The following CA8 variants were observed in gnomAD, a reference collection of about 807,000 sequenced individuals.
CA8 encodes the protein carbonic anhydrase-related protein.
CA8 carries 22 observed loss-of-function variants against 41.4 expected under a neutral mutation model. The observed-to-expected ratio is 0.53, with a 90% confidence interval of 0.38 to 0.76. The LOEUF (loss-of-function observed/expected upper bound fraction) is 0.76. Ranked by LOEUF, CA8 falls within the 30% of genes least tolerant of loss-of-function variation. CA8 has a pLI of 0.00. For missense variants in CA8, 270 were observed against 352.8 expected (o/e 0.77, Z 1.88); for synonymous variants, 121 against 130.6 (o/e 0.93, Z 0.50).
intron 3 of CA8, among the ~76,000 whole-genome samples, chr8:60,241,853 A>G (rs1808039705): frequency 1.3e-5 from 2 of 152,188 alleles, no homozygotes; most frequent in African/African-American, 4.8e-5. Flanking sequence ...GAGATTGTCA[A>G]CGGGTCTTGT....
At chr8:60,259,656 T>C (rs906260189) in intron 3 of CA8, among the ~76,000 whole-genome samples, 1 of 152,160 alleles carries the variant, frequency 6.6e-6, no homozygotes, top group African/African-American at 2.4e-5. Flanking sequence ...AAAATAAATA[T>C]GCTGAATCAA....
At chr8:60,247,602 T>G (rs771677840) in intron 3 of CA8, among the ~76,000 whole-genome samples, 3 of 152,228 alleles carry the variant, frequency 2.0e-5, no homozygotes, top group Non-Finnish European at 2.9e-5. Flanking sequence ...TTTTTATGAT[T>G]GCATAGTGTT....
At chr8:60,260,111 T>C (rs1184972873) in intron 3 of CA8, among the ~76,000 whole-genome samples, 1 of 152,200 alleles carries the variant, frequency 6.6e-6, no homozygotes, top group Non-Finnish European at 1.5e-5. Context: ...TTGATTTTCC[T>C]GATAATAATT....
chr8:60,279,932 AAAATTT>A (rs1273575095), intron 1 of CA8, 52 bp from the exon 2 acceptor site: 9 of 1,467,270 alleles, frequency 6.1e-6, no homozygotes, highest in Non-Finnish European at 8.4e-6. Flanking sequence ...AAATTACAGT[AAAATTT>A]AACATGTAAA....
At chr8:60,216,420 T>G (rs546826372) in intron 7 of CA8, among the ~76,000 whole-genome samples, 1 of 152,248 alleles carries the variant, frequency 6.6e-6, no homozygotes, top group East Asian at 1.9e-4. Flanking sequence ...TCTGTGCTAA[T>G]AGCACCTAAA....
Position 60,222,730 on chromosome 8 carries a change from T to C in CA8, c.657A>G (p.Glu219=). The C allele has an allele frequency of 6.2e-7, 1 of 1,613,686 alleles. No individual in the cohort carries two copies. Among genetic ancestry groups the C allele is most frequent in the Non-Finnish European group, 8.5e-7 (1 of 1,179,594 alleles). The change falls in exon 7 of 9, where the codon GAA becomes GAG. Residue 219 remains glutamate, a synonymous_variant. Coordinates refer to ENST00000317995, the MANE Select transcript of CA8 (RefSeq NM_004056.6). The part of the protein sequence containing the change: ...DPLLRDYWVY[E]GSLTIPPCSE... ...TGCAAGGTGGGATGGTGAGAGAGCC[T>C]TCATACACCCAGTAATCCCGCAGCA...
chr8:60,191,187 T>A (rs969547749), intron 8 of CA8, among the ~76,000 whole-genome samples: 1 of 151,964 alleles, frequency 6.6e-6, no homozygotes, highest in African/African-American at 2.4e-5. Flanking sequence ...CAGAAAATAT[T>A]GTAGATATTT....
chr8:60,277,790 A>G (rs1804289085), intron 2 of CA8, among the ~76,000 whole-genome samples: 2 of 152,228 alleles, frequency 1.3e-5, no homozygotes, highest in Non-Finnish European at 2.9e-5. Context: ...ACAACTACTC[A>G]AGACATGGTT....
intron 3 of CA8, among the ~76,000 whole-genome samples, chr8:60,237,619 T>C (rs540111932): frequency 3.9e-4 from 60 of 152,340 alleles, no homozygotes; most frequent in Non-Finnish European, 7.5e-4. Context: ...GTAAACACAC[T>C]GCACAGCAGG....
At position 60,185,799 on chromosome 8, in the gene CA8, AAAGG is replaced by A. The variant is rs1805947975; in HGVS notation, c.*4218_*4221del. ...TGCCTTATATAAAAATATATTAAAAAAAGGACTTCTGCCTGGAATGAAGTGACCC... is the reference window on the plus strand; with the variant it reads ...TGCCTTATATAAAAATATATTAAAAAACTTCTGCCTGGAATGAAGTGACCC... On this transcript the variant is annotated 3_prime_UTR_variant, in exon 9 of 9. Transcript: ENST00000317995. Among the ~76,000 whole-genome samples the A allele has an allele frequency of 6.6e-6, 1 of 152,134 alleles. No homozygotes were observed. The highest frequency in any genetic ancestry group is 6.5e-5 in the Admixed American group (1 of 15,276).
At chr8:60,232,712 T>A in intron 3 of CA8, 1 of 367,450 alleles carries the variant, frequency 2.7e-6, no homozygotes, top group South Asian at 2.4e-5. Context: ...GAAACAAAAC[T>A]CCAGGTCTGG....
rs535516242 is a variant in CA8 at position 60,187,386 on chromosome 8, A to G, written c.*2635T>C. On this transcript the variant is annotated 3_prime_UTR_variant, in exon 9 of 9. Coordinates refer to ENST00000317995, the MANE Select transcript of CA8 (RefSeq NM_004056.6). Reference sequence around the variant, plus strand: ...TTTATTCAAAAAAGAATTCAAATCAATAACCTAACCTTCCACCTTAAAATA... The same window carrying G: ...TTTATTCAAAAAAGAATTCAAATCAGTAACCTAACCTTCCACCTTAAAATA... 5.9e-5 allele frequency: 9 copies of G among 152,268 alleles called. No homozygotes were observed. The East Asian group carries it at 1.5e-3, about 26-fold the overall frequency. 9.4% of individuals were successfully genotyped at this position (152,268 alleles called of 1,614,324 possible).
At position 60,232,334 on chromosome 8, in the gene CA8, C is replaced by T; in HGVS notation, c.463G>A (p.Glu155Lys). The change falls in exon 4 of 9, where the codon GAG becomes AAG. Residue 155 changes from glutamate (E) to lysine (K), a missense_variant. Coordinates refer to ENST00000317995, the MANE Select transcript of CA8 (RefSeq NM_004056.6). ...WNSTLFGSIDEAVGKPHGIAI... is the reference protein window; with the variant it reads ...WNSTLFGSIDKAVGKPHGIAI... ...ATTCCGTGCGGCTTCCCCACAGCCT[C>T]ATCAATGCTGCCAAACAGAGTGGAG... The T allele has an allele frequency of 6.2e-7, 1 of 1,614,128 alleles. No individual in the cohort carries two copies. The highest frequency in any genetic ancestry group is 1.1e-5 in the South Asian group (1 of 91,086).
intron 3 of CA8, among the ~76,000 whole-genome samples, chr8:60,257,616 T>C (rs1485595845): frequency 6.6e-6 from 1 of 152,164 alleles, no homozygotes; most frequent in Non-Finnish European, 1.5e-5. Flanking sequence ...CCAGGTTCTC[T>C]AGCGTCTCTT....
In CA8 at chr8:60,198,131, GC is replaced by G. The variant is rs1162604260; in HGVS notation, c.*36-8147del. 2.0e-5 allele frequency among the ~76,000 whole-genome samples: 3 copies of G among 152,270 alleles called. No homozygotes were observed. The East Asian group carries it at 5.8e-4, about 29-fold the overall frequency. ...TGTGAAATGTGGTGTCGTGAAAAGA[GC>G]TCAGCATTGGGAGTGGGGCCCACTT... On this transcript the variant is annotated intron_variant, in intron 8 of 8. Coordinates refer to ENST00000317995, the MANE Select transcript of CA8 (RefSeq NM_004056.6).
At chr8:60,241,151 T>C (rs966983266) in intron 3 of CA8, among the ~76,000 whole-genome samples, 1 of 152,214 alleles carries the variant, frequency 6.6e-6, no homozygotes, top group African/African-American at 2.4e-5. Flanking sequence ...ACGCTTTAAG[T>C]CATCACTGTC....
At chr8:60,227,700 A>G (rs896301644) in intron 4 of CA8, among the ~76,000 whole-genome samples, 2 of 152,314 alleles carry the variant, frequency 1.3e-5, no homozygotes, top group Middle Eastern at 3.4e-3. Context: ...TGTATGTTAA[A>G]TTCACCAAAA....
intron 3 of CA8, among the ~76,000 whole-genome samples, chr8:60,238,507 G>A (rs375058498): frequency 6.6e-6 from 1 of 151,794 alleles, no homozygotes; most frequent in Admixed American, 6.6e-5. Context: ...CTCTTCAAAG[G>A]AGCTTCCCAC....
At chr8:60,259,364 A>C (rs1455360936) in intron 3 of CA8, among the ~76,000 whole-genome samples, 1 of 152,226 alleles carries the variant, frequency 6.6e-6, no homozygotes, top group Admixed American at 6.5e-5. Context: ...TTTTCTACAA[A>C]TCTGCCTTCT....
Sources: gnomAD v4.1 joint callset for allele counts (sites outside exome capture counted in the v4.1 genomes callset) on GRCh38, gnomAD v4.1.1 for gene constraint, MANE v1.5 for transcripts, NCBI Gene and HGNC (gene_info 2026-07-23, HGNC 2026-07-21) for gene names.